The following SLC38A8 variants were observed in gnomAD, a reference collection of about 807,000 sequenced individuals.
The protein encoded by SLC38A8 is solute carrier family 38 member 8, also known as amino acid transporter SLC38A8.
SLC38A8 carries 65 observed loss-of-function variants against 46.0 expected under a neutral mutation model. That is an observed-to-expected ratio of 1.41 (90% confidence interval 1.16 to 1.74). The LOEUF (loss-of-function observed/expected upper bound fraction) is 1.74. SLC38A8 is among the 40% of genes most tolerant of loss of function. The pLI is 0.00. For synonymous variants in SLC38A8, 447 were observed against 243.7 expected, an observed-to-expected ratio of 1.83 and a Z score of -7.77; for missense variants, 998 against 567.9, an observed-to-expected ratio of 1.76 and a Z score of -7.70.
rs375876429 is a variant in SLC38A8 at position 84,026,093 on chromosome 16, G to C, written c.691-3204C>G. On this transcript the variant is annotated intron_variant, in intron 6 of 10. Coordinates refer to ENST00000299709, the MANE Select transcript of SLC38A8 (RefSeq NM_001080442.3). ...AGATGCCCCGAGGTGGGGAGTCCCCGAACGGCAGCTCTGCGTATAGGGGCA... is the reference window on the plus strand; with the variant it reads ...AGATGCCCCGAGGTGGGGAGTCCCCCAACGGCAGCTCTGCGTATAGGGGCA... Among the ~76,000 whole-genome samples the C allele has an allele frequency of 2.7e-3, 405 of 152,374 alleles. 3 individuals carry two copies. Among genetic ancestry groups the C allele is most frequent in the African/African-American group, 9.0e-3 (375 of 41,594 alleles).
rs573821154 is a variant in SLC38A8 at position 84,016,608 on chromosome 16, G to T, written c.1073C>A (p.Thr358Lys). ...MPLTILWVTV[T>K]LAMALFMPDL... The stretch of plus-strand genomic sequence containing the variant: ...AGGCATAAACAGCGCCATGGCGAGC[G>T]TCACGGTGACCCACAGGATGGTCAG... Residue 358 changes from threonine to lysine, a missense_variant, in exon 9 of 11, where the codon ACG becomes AAG. By Grantham distance (78) the Thr-to-Lys change is moderately conservative (BLOSUM62 -1). Coordinates refer to ENST00000299709, the MANE Select transcript of SLC38A8 (RefSeq NM_001080442.3). 1.2e-6 allele frequency: 2 copies of T among 1,613,964 alleles called. No homozygotes were observed. Among genetic ancestry groups the T allele is most frequent in the Non-Finnish European group, 1.7e-6 (2 of 1,180,034 alleles).
intron 7 of SLC38A8, among the ~76,000 whole-genome samples, chr16:84,018,142 C>A (rs928539308): frequency 1.3e-5 from 2 of 151,558 alleles, no homozygotes; most frequent in African/African-American, 4.9e-5. Context: ...CTGGTGAGGG[C>A]CTTCTTGCCA....
chr16:84,026,095 AC>A (rs1335431777), intron 6 of SLC38A8, among the ~76,000 whole-genome samples: 1 of 152,254 alleles, frequency 6.6e-6, no homozygotes, highest in African/African-American at 2.4e-5. Context: ...GAGTCCCCGA[AC>A]GGCAGCTCTG....
intron 2 of SLC38A8, among the ~76,000 whole-genome samples, chr16:84,040,651 C>T (rs1017175025): frequency 6.6e-6 from 1 of 152,230 alleles, no homozygotes; most frequent in Non-Finnish European, 1.5e-5. Flanking sequence ...CTAGTCCAAA[C>T]GCAGGCGTGC....
intron 2 of SLC38A8, 39 bp downstream of exon 2, chr16:84,041,930 C>G: frequency 6.5e-7 from 1 of 1,528,438 alleles, no homozygotes; most frequent in Non-Finnish European, 8.8e-7. Flanking sequence ...CCAAAGCCAC[C>G]TCGTACCCGT....
intron 10 of SLC38A8, among the ~76,000 whole-genome samples, chr16:84,011,568 G>C (rs1038107766): frequency 1.1e-4 from 17 of 152,304 alleles, no homozygotes; most frequent in African/African-American, 4.1e-4. Flanking sequence ...ATCTGGGATG[G>C]GGTGAAGGGT....
intron 5 of SLC38A8, among the ~76,000 whole-genome samples, chr16:84,031,622 C>T (rs187431948): frequency 2.0e-5 from 3 of 152,358 alleles, no homozygotes; most frequent in Admixed American, 2.0e-4. Flanking sequence ...CCTAGGCCGC[C>T]GCAGCCTTTG....
chr16:84,024,962 T>A (rs2085144455), intron 6 of SLC38A8, among the ~76,000 whole-genome samples: 1 of 152,120 alleles, frequency 6.6e-6, no homozygotes, highest in South Asian at 2.1e-4. Flanking sequence ...ATTACAGGCG[T>A]GAGCCACCAA....
chr16:84,033,299 C>A (rs760189712), intron 4 of SLC38A8, 29 bp downstream of exon 4: 3 of 1,613,476 alleles, frequency 1.9e-6, no homozygotes, highest in African/African-American at 1.3e-5. Context: ...AAGGTGGGGG[C>A]CCCCACCAGG....
intron 6 of SLC38A8, among the ~76,000 whole-genome samples, chr16:84,023,292 T>C (rs2085117245): frequency 1.3e-5 from 2 of 151,858 alleles, no homozygotes; most frequent in African/African-American, 2.4e-5. Context: ...CCCCAGCCAA[T>C]GGGAAAAGGG....
chr16:84,024,562 C>T (rs2085138555), intron 6 of SLC38A8, among the ~76,000 whole-genome samples: 1 of 152,004 alleles, frequency 6.6e-6, no homozygotes. Context: ...GTGTGGATCA[C>T]CTGAGGTCTG....
chr16:84,020,925 T>G (rs930188796), intron 7 of SLC38A8, among the ~76,000 whole-genome samples: 1 of 152,240 alleles, frequency 6.6e-6, no homozygotes, highest in African/African-American at 2.4e-5. Flanking sequence ...TTTGGTTCTC[T>G]TTTGATGATC....
At chr16:84,043,295 C>T (rs777821292), upstream of SLC38A8, among the ~76,000 whole-genome samples, 6 of 152,218 alleles carry the variant, frequency 3.9e-5, no homozygotes, top group African/African-American at 9.6e-5. Context: ...ATATCGGAGA[C>T]GGCCCCATTC....
chr16:84,022,408 G>A (rs2085105588), intron 7 of SLC38A8, among the ~76,000 whole-genome samples: 1 of 152,186 alleles, frequency 6.6e-6, no homozygotes, highest in African/African-American at 2.4e-5. Context: ...CAAACGTTTT[G>A]TAAACCCTAC....
At chr16:84,012,544 T>C (rs2084966855) in intron 10 of SLC38A8, among the ~76,000 whole-genome samples, 1 of 152,090 alleles carries the variant, frequency 6.6e-6, no homozygotes, top group Non-Finnish European at 1.5e-5. Flanking sequence ...CATGTGGGTA[T>C]GGTGGGGAGG....
intron 6 of SLC38A8, among the ~76,000 whole-genome samples, chr16:84,023,494 G>C (rs17786732): frequency 0.01 from 1,578 of 152,120 alleles, 25 homozygotes; most frequent in Middle Eastern, 0.02. Context: ...AGCAGAGGGC[G>C]TAAGTAAATG....
intron 6 of SLC38A8, among the ~76,000 whole-genome samples, chr16:84,023,279 C>T (rs1037564788): frequency 1.3e-5 from 2 of 152,086 alleles, no homozygotes; most frequent in Non-Finnish European, 2.9e-5. Flanking sequence ...TTGTGCGGCC[C>T]AACCCCAGCC....
At chr16:84,014,460 A>G (rs778765160) in intron 9 of SLC38A8, among the ~76,000 whole-genome samples, 1 of 151,502 alleles carries the variant, frequency 6.6e-6, no homozygotes, top group Non-Finnish European at 1.5e-5. Flanking sequence ...CCCTGCCCAG[A>G]GTCGAGGGAG....
chr16:84,034,130 C>G (rs1348538194), intron 3 of SLC38A8, among the ~76,000 whole-genome samples: 7 of 152,224 alleles, frequency 4.6e-5, no homozygotes, highest in African/African-American at 1.4e-4. Context: ...GCCTTCCCTG[C>G]AGTCTGGGAG....
Sources: allele counts gnomAD v4.1 joint callset (sites outside exome capture counted in the v4.1 genomes callset), GRCh38; gene constraint gnomAD v4.1.1; transcripts MANE v1.5; gene names NCBI Gene and HGNC (gene_info 2026-07-23, HGNC 2026-07-21).